The following POLR3B variants were observed in gnomAD, a reference collection of about 807,000 sequenced individuals.
POLR3B encodes the protein RNA polymerase III subunit B.
POLR3B carries 96 observed loss-of-function variants against 147.4 expected under a neutral mutation model. The observed-to-expected ratio is 0.65, with a 90% CI of 0.55 to 0.77. The LOEUF is 0.77. Among genes scored for constraint, POLR3B ranks in the 30% least tolerant of loss-of-function variants. POLR3B has a pLI of 0.00. For missense variants in POLR3B, 1,036 were observed against 1,413.5 expected, an observed-to-expected ratio of 0.73 and a Z score of 4.28; for synonymous variants, 461 against 485.9, an observed-to-expected ratio of 0.95 and a Z score of 0.67.
chr12:106,378,429 C>T, intron 8 of POLR3B, 45 bp downstream of exon 8: 1 of 1,165,440 alleles, frequency 8.6e-7, no homozygotes, highest in Non-Finnish European at 1.3e-6. Context: ...TTGGTCATTC[C>T]ATTAGTCCTA....
intron 11 of POLR3B, among the ~76,000 whole-genome samples, chr12:106,407,293 C>T (rs1296235629): frequency 6.6e-6 from 1 of 152,126 alleles, no homozygotes; most frequent in African/African-American, 2.4e-5. Context: ...GAACTTTGGG[C>T]AAATCTGAAC....
At chr12:106,375,905 G>A (rs1298498015) in intron 6 of POLR3B, among the ~76,000 whole-genome samples, 3 of 152,180 alleles carry the variant, frequency 2.0e-5, no homozygotes, top group Non-Finnish European at 4.4e-5. Context: ...GAGTGCAGTG[G>A]TGTGATCCTG....
chr12:106,385,650 A>G (rs891424462), intron 9 of POLR3B, among the ~76,000 whole-genome samples: 28 of 152,350 alleles, frequency 1.8e-4, no homozygotes, highest in Middle Eastern at 3.4e-3. Context: ...CCCTCAAATC[A>G]GTCTGGTGAT....
intron 1 of POLR3B, among the ~76,000 whole-genome samples, chr12:106,358,665 C>CA (rs1261538524): frequency 1.3e-5 from 2 of 152,112 alleles, no homozygotes; most frequent in African/African-American, 4.8e-5. Flanking sequence ...GAGAAGATAG[C>CA]AAAGGAGAGA....
chr12:106,465,208 G>C (rs2037988779), intron 23 of POLR3B, among the ~76,000 whole-genome samples: 1 of 152,130 alleles, frequency 6.6e-6, no homozygotes, highest in Non-Finnish European at 1.5e-5. Flanking sequence ...TCATTGTGGG[G>C]TAACCTTAAC....
intron 23 of POLR3B, among the ~76,000 whole-genome samples, chr12:106,468,159 C>T (rs1164692752): frequency 6.6e-6 from 1 of 152,198 alleles, no homozygotes; most frequent in African/African-American, 2.4e-5. Context: ...AGAGATTCAA[C>T]TTCTTCCTGG....
chr12:106,479,796 C>CTTCTTTTCTTTTCTTTTCTTTTCTT (rs71072680), intron 23 of POLR3B, among the ~76,000 whole-genome samples: 16,601 of 133,890 alleles, frequency 0.12, 1,511 homozygotes, highest in African/African-American at 0.16. Flanking sequence ...TCTTTCCTTC[C>CTTCTTTTCTTTTCTTTTCTTTTCTT]TTCTTTTCTT....
intron 23 of POLR3B, among the ~76,000 whole-genome samples, chr12:106,484,672 G>A (rs2038313137): frequency 1.3e-5 from 2 of 151,932 alleles, no homozygotes; most frequent in Admixed American, 1.3e-4. Flanking sequence ...TGATATAAAA[G>A]AGTGGATGGT....
chr12:106,496,395 T>C (rs1357573178), intron 24 of POLR3B: 1 of 625,618 alleles, frequency 1.6e-6, no homozygotes, highest in Non-Finnish European at 2.8e-6. Flanking sequence ...TTCTGAGTGA[T>C]GAATTTACCC....
intron 23 of POLR3B, among the ~76,000 whole-genome samples, chr12:106,483,010 T>A (rs2038290511): frequency 6.6e-6 from 1 of 152,120 alleles, no homozygotes; most frequent in Non-Finnish European, 1.5e-5. Flanking sequence ...CAACCCTAAC[T>A]GATCACACAG....
chr12:106,443,373 A>T (rs553453088), intron 18 of POLR3B, among the ~76,000 whole-genome samples: 74 of 152,322 alleles, frequency 4.9e-4, no homozygotes, highest in African/African-American at 1.8e-3. Flanking sequence ...TTAAATTTCA[A>T]TTTGAGTTTT....
rs1017584806 is a variant in POLR3B at position 106,491,283 on chromosome 12, G to A, written c.2714-4772G>A. Among the ~76,000 whole-genome samples, 22 of 152,212 alleles carry A rather than the reference G, an allele frequency of 1.4e-4. No individual in the cohort carries two copies. The East Asian group carries it at 2.7e-3, about 19-fold the overall frequency. ...CTCACCAGAAAGTGGTGCTTCCCCC[G>A]CACCCCCAAAGTAACATATCAGTGG... On this transcript the variant is annotated intron_variant, in intron 23 of 27. Transcript: ENST00000228347.
intron 10 of POLR3B, among the ~76,000 whole-genome samples, chr12:106,396,140 G>A (rs2036975750): frequency 1.3e-5 from 2 of 152,108 alleles, no homozygotes; most frequent in South Asian, 4.2e-4. Flanking sequence ...CTTGGCCTTT[G>A]CATCACAAGG....
chr12:106,449,664 G>A (rs1462587335), intron 19 of POLR3B, among the ~76,000 whole-genome samples: 1 of 152,082 alleles, frequency 6.6e-6, no homozygotes, highest in African/African-American at 2.4e-5. Context: ...TATCATAAAG[G>A]TCTTTATCCT....
At chr12:106,415,532 T>C (rs985100121) in intron 12 of POLR3B, among the ~76,000 whole-genome samples, 1 of 152,154 alleles carries the variant, frequency 6.6e-6, no homozygotes, top group Admixed American at 6.5e-5. Flanking sequence ...TGCTCCTAAT[T>C]AGGGACACTA....
At chr12:106,378,536 C>A in intron 8 of POLR3B, 152 bp downstream of exon 8, 1 of 600,748 alleles carries the variant, frequency 1.7e-6, no homozygotes. Context: ...TTATGAAAGT[C>A]TGGAAGCATA....
chr12:106,432,505 G>T, intron 15 of POLR3B, 25 bp downstream of exon 15: 5 of 1,584,722 alleles, frequency 3.2e-6, no homozygotes, highest in Non-Finnish European at 4.3e-6. Flanking sequence ...GAGACATGTT[G>T]GTCCTAGATA....
intron 23 of POLR3B, among the ~76,000 whole-genome samples, chr12:106,481,501 G>A (rs1026504460): frequency 2.0e-5 from 3 of 152,188 alleles, no homozygotes; most frequent in Non-Finnish European, 4.4e-5. Context: ...CAGGAATCGG[G>A]TGGGTGAGTG....
chr12:106,444,849 G>T (rs1287932032), intron 19 of POLR3B, among the ~76,000 whole-genome samples: 1 of 152,078 alleles, frequency 6.6e-6, no homozygotes, highest in East Asian at 1.9e-4. Flanking sequence ...TGTAATAAGT[G>T]TCACAGAATT....
Sources: allele counts gnomAD v4.1 joint callset (sites outside exome capture counted in the v4.1 genomes callset), GRCh38; gene constraint gnomAD v4.1.1; transcripts MANE v1.5; gene names NCBI Gene and HGNC (gene_info 2026-07-23, HGNC 2026-07-21).